MRPL58: variants seen among roughly 807,000 people sequenced by gnomAD.
MRPL58 encodes mitochondrial ribosomal protein L58.
A neutral mutation model predicts 26.0 loss-of-function variants in MRPL58; 17 were observed. The observed-to-expected ratio is 0.65, with a 90% CI of 0.45 to 0.98. The LOEUF (loss-of-function observed/expected upper bound fraction) is 0.98. MRPL58 is among the 50% of genes least tolerant of loss of function. MRPL58 has a pLI of 0.00. For missense variants in MRPL58, 250 were observed against 269.0 expected, an observed-to-expected ratio of 0.93 and a Z score of 0.49; for synonymous variants, 100 against 99.7, an observed-to-expected ratio of 1.00 and a Z score of -0.02.
rs1159757108 is a variant in MRPL58, at chr17:75,012,682, T to A, written c.-5T>A. ...GCCCGCCGGAAGCAGTCGCAAGACCTGAGCATGGCGGCCACCAGGTGCCTG... is the reference window on the plus strand; with the variant it reads ...GCCCGCCGGAAGCAGTCGCAAGACCAGAGCATGGCGGCCACCAGGTGCCTG... On this transcript the variant is annotated 5_prime_UTR_variant, in exon 1 of 6. Coordinates refer to ENST00000301585, the MANE Select transcript of MRPL58 (RefSeq NM_001545.3). 3 of 1,542,700 alleles carry A rather than the reference T, an allele frequency of 1.9e-6. No homozygotes were observed. Among genetic ancestry groups the A allele is most frequent in the Non-Finnish European group, 1.7e-6 (2 of 1,148,332 alleles).
chr17:75,020,823 G>A (rs575235342), intron 5 of MRPL58, 98 bp from the exon 6 acceptor site: 2 of 1,203,994 alleles, frequency 1.7e-6, no homozygotes, highest in Non-Finnish European at 2.5e-6. Flanking sequence ...GCCTGCTGGT[G>A]TAACTGCTCG....
chr17:75,014,106 A>G (rs1172492648), intron 1 of MRPL58, among the ~76,000 whole-genome samples: 2 of 152,012 alleles, frequency 1.3e-5, no homozygotes, highest in East Asian at 3.8e-4. Flanking sequence ...GTATTTTGGA[A>G]AGAAAGCCTG....
intron 4 of MRPL58, 21 bp downstream of exon 4, chr17:75,020,416 T>G (rs1390060377): frequency 1.2e-6 from 2 of 1,613,942 alleles, no homozygotes; most frequent in Admixed American, 3.3e-5. Flanking sequence ...TCCCTTTCTT[T>G]CCCTAGAAAT....
At chr17:75,020,758 G>T (rs1439215001) in intron 5 of MRPL58, 101 bp downstream of exon 5, 60 of 1,337,584 alleles carry the variant, frequency 4.5e-5, no homozygotes, top group Non-Finnish European at 6.1e-5. Context: ...GGCCTTGGGA[G>T]AAACTCTAGG....
chr17:75,019,622 A>G, intron 2 of MRPL58, 78 bp from the exon 3 acceptor site: 1 of 1,390,186 alleles, frequency 7.2e-7, no homozygotes, highest in Non-Finnish European at 1.0e-6. Context: ...CCTTCCCTAC[A>G]TTCCTCAGAC....
intron 1 of MRPL58, among the ~76,000 whole-genome samples, chr17:75,014,248 C>A (rs948527836): frequency 8.2e-6 from 1 of 122,224 alleles, no homozygotes; most frequent in African/African-American, 3.2e-5. Context: ...TGCAGTGATG[C>A]AATCTCTGTT....
intron 1 of MRPL58, 89 bp downstream of exon 1, chr17:75,012,961 C>T (rs1598664154): frequency 8.0e-7 from 1 of 1,248,180 alleles, no homozygotes; most frequent in Non-Finnish European, 1.1e-6. Context: ...GGATGTGGAG[C>T]TACGTCGGGG....
At position 75,020,994 on chromosome 17, in the gene MRPL58, G is replaced by C. The variant is rs772297258; in HGVS notation, c.610G>C (p.Asp204His). ...HSAVKTSRRV[D>H]MD ...TGCTGTAAAGACAAGCAGGAGGGTCGACATGGACTGAAATCACCCTCTGCA... is the reference window on the plus strand; with the variant it reads ...TGCTGTAAAGACAAGCAGGAGGGTCCACATGGACTGAAATCACCCTCTGCA... The change falls in exon 6 of 6, where the codon GAC (aspartate) becomes CAC (histidine). Residue 204 changes from aspartate to histidine, a missense_variant. Physicochemically the swap from Asp to His is moderately conservative, Grantham distance 81. Coordinates refer to ENST00000301585, the MANE Select transcript of MRPL58 (RefSeq NM_001545.3). 6.2e-7 allele frequency: 1 copy of C among 1,612,532 alleles called. No homozygotes were observed.
intron 1 of MRPL58, among the ~76,000 whole-genome samples, chr17:75,015,741 A>G (rs1004116498): frequency 1.3e-5 from 2 of 152,032 alleles, no homozygotes; most frequent in East Asian, 1.9e-4. Flanking sequence ...TAAGGGTTTC[A>G]TCCCCAAATA....
rs2039941870 is a variant in MRPL58, at chr17:75,012,808, G to A, written c.122G>A (p.Ser41Asn). The change falls in exon 1 of 6, where the codon AGC (serine) becomes AAC (asparagine). Residue 41 changes from serine (S) to asparagine (N), a missense_variant. By Grantham distance (46) the Ser-to-Asn change is conservative. Coordinates refer to ENST00000301585, the MANE Select transcript of MRPL58 (RefSeq NM_001545.3). ...HKQKDGTEFKSIYSLDKLYPE... is the reference protein window; with the variant it reads ...HKQKDGTEFKNIYSLDKLYPE... ...CAGAAAGACGGCACTGAGTTCAAGA[G>A]CATCTACAGCCTGGACAAGCTCTAC... 1 of 1,612,416 alleles carries A rather than the reference G, an allele frequency of 6.2e-7. No homozygotes were observed. The highest frequency in any genetic ancestry group is 8.5e-7 in the Non-Finnish European group (1 of 1,179,652).
At chr17:75,013,185 C>A (rs1361937280) in intron 1 of MRPL58, among the ~76,000 whole-genome samples, 1 of 152,204 alleles carries the variant, frequency 6.6e-6, no homozygotes, top group Non-Finnish European at 1.5e-5. Flanking sequence ...CCCTCCAAGG[C>A]GGACAATAAA....
In MRPL58 at chr17:75,020,475, T is replaced by A. The variant is rs1263051907; in HGVS notation, c.367-13T>A. 9 of 1,613,694 alleles carry A rather than the reference T, an allele frequency of 5.6e-6. No homozygotes were observed. Among genetic ancestry groups the A allele is most frequent in the Non-Finnish European group, 7.6e-6 (9 of 1,179,720 alleles). ...ACTCTGTAGGACTCCAGTTTTTCAT[T>A]TGTTCTCTGCAGCATAAAAACAAGA... On this transcript the variant is annotated splice_polypyrimidine_tract_variant and intron_variant, in intron 4 of 5. Coordinates refer to ENST00000301585, the MANE Select transcript of MRPL58 (RefSeq NM_001545.3).
chr17:75,015,821 G>A lies in MRPL58; in HGVS notation c.187-1257G>A, dbSNP rs143892343. 1.2e-3 allele frequency among the ~76,000 whole-genome samples: 190 copies of A among 152,084 alleles called. 1 individual carries two copies. The highest frequency in any genetic ancestry group is 4.3e-3 in the African/African-American group (177 of 41,500). ...CGTTAGCTGTCACCCAGGCTGGAGT[G>A]CAGTGTCCCAGGCAGGAGTGCAGTG... On this transcript the variant is annotated intron_variant, in intron 1 of 5. Coordinates refer to ENST00000301585, the MANE Select transcript of MRPL58 (RefSeq NM_001545.3).
chr17:75,019,561 T>C, intron 2 of MRPL58, 139 bp from the exon 3 acceptor site: 1 of 745,222 alleles, frequency 1.3e-6, no homozygotes. Context: ...GGTGCCACAG[T>C]TCCTTGCCAC....
At chr17:75,014,486 C>G (rs1365538572) in intron 1 of MRPL58, among the ~76,000 whole-genome samples, 1 of 143,004 alleles carries the variant, frequency 7.0e-6, no homozygotes, top group East Asian at 2.0e-4. Flanking sequence ...CTCTGTCATC[C>G]AGGCTGGAGT....
chr17:75,018,426 G>A (rs2039989983), intron 2 of MRPL58, among the ~76,000 whole-genome samples: 1 of 151,864 alleles, frequency 6.6e-6, no homozygotes. Context: ...TAGAGACGGG[G>A]TTTCACCATG....
chr17:75,014,899 TAAAC>T (rs747758806), intron 1 of MRPL58, among the ~76,000 whole-genome samples: 6 of 152,214 alleles, frequency 3.9e-5, no homozygotes, highest in East Asian at 3.8e-4. Context: ...ACAGCCATGA[TAAAC>T]AAAATACAGG....
At chr17:75,020,240 C>A in intron 3 of MRPL58, 73 bp from the exon 4 acceptor site, 1 of 1,159,256 alleles carries the variant, frequency 8.6e-7, no homozygotes, top group Non-Finnish European at 1.3e-6. Context: ...TCAGAATGGT[C>A]ACTGGTCACC....
intron 2 of MRPL58, 80 bp downstream of exon 2, chr17:75,017,194 G>A (rs1598667786): frequency 2.7e-6 from 3 of 1,114,114 alleles, no homozygotes; most frequent in African/African-American, 1.5e-5. Flanking sequence ...GGGAGGCTGA[G>A]GCAGGAGAAT....
Sources: allele counts gnomAD v4.1 joint callset (sites outside exome capture counted in the v4.1 genomes callset), GRCh38; gene constraint gnomAD v4.1.1; transcripts MANE v1.5; gene names NCBI Gene and HGNC (gene_info 2026-07-23, HGNC 2026-07-21).